The following ANK2 variants were observed in gnomAD, a reference collection of about 807,000 sequenced individuals.
ANK2 encodes ankyrin-2.
In ANK2, 83 loss-of-function variants were observed where a neutral mutation model predicts 360.5. The ratio of observed to expected loss-of-function variants is 0.23; its 90% confidence interval spans 0.19 to 0.28. ANK2 has a LOEUF of 0.28. ANK2 is among the 10% of genes least tolerant of loss of function. The pLI is 1.00. For missense variants in ANK2, 4,201 were observed against 4,795.7 expected (o/e 0.88, Z 3.66); for synonymous variants, 1,740 against 1,759.5 (o/e 0.99, Z 0.28).
At chr4:112,742,787 T>C in the ANK2 span, among the ~76,000 whole-genome samples, 96,259 of 150,522 alleles carry the variant, frequency 0.64, 32,331 homozygotes, top group East Asian at 0.92. Flanking sequence ...TACAGTGGCA[T>C]GATCTCGGCT....
chr4:113,239,671 A>G (rs1227169330), intron 7 of ANK2, among the ~76,000 whole-genome samples: 1 of 152,180 alleles, frequency 6.6e-6, no homozygotes, highest in Non-Finnish European at 1.5e-5. Flanking sequence ...AAAAGGAAAT[A>G]TATTTTTTTC....
chr4:112,930,039 T>C (rs1405223855), intron 2 of ANK2, among the ~76,000 whole-genome samples: 2 of 152,148 alleles, frequency 1.3e-5, no homozygotes, highest in African/African-American at 4.8e-5. Flanking sequence ...CAATGTCACA[T>C]AATGGAGTTG....
intron 23 of ANK2, among the ~76,000 whole-genome samples, chr4:113,307,601 C>T (rs1042729244): frequency 6.6e-6 from 1 of 151,994 alleles, no homozygotes; most frequent in African/African-American, 2.4e-5. Context: ...CTGGTTTTCA[C>T]CATTTTGGCC....
At chr4:113,300,273 C>T (rs888960513) in intron 22 of ANK2, among the ~76,000 whole-genome samples, 3 of 152,170 alleles carry the variant, frequency 2.0e-5, no homozygotes, top group African/African-American at 7.2e-5. Flanking sequence ...ACAACCCTTG[C>T]CTCCAACTGT....
chr4:112,771,678 C>T, the ANK2 span, among the ~76,000 whole-genome samples: 1 of 152,008 alleles, frequency 6.6e-6, no homozygotes, highest in Non-Finnish European at 1.5e-5. Flanking sequence ...CTCCGCCTCC[C>T]GAGTTCACGC....
chr4:112,997,977 A>C (rs1053641711), intron 2 of ANK2, among the ~76,000 whole-genome samples: 2 of 151,912 alleles, frequency 1.3e-5, no homozygotes, highest in African/African-American at 4.8e-5. Flanking sequence ...GTTTTGTCCA[A>C]ATACATAAGC....
intron 2 of ANK2, among the ~76,000 whole-genome samples, chr4:113,012,201 CA>C (rs2054980271): frequency 6.6e-6 from 1 of 152,126 alleles, no homozygotes; most frequent in Admixed American, 6.5e-5. Flanking sequence ...TATTCCCTAT[CA>C]AAACAGAATG....
the ANK2 span, among the ~76,000 whole-genome samples, chr4:112,810,869 G>A: frequency 6.7e-6 from 1 of 149,850 alleles, no homozygotes; most frequent in Non-Finnish European, 1.5e-5. Flanking sequence ...CTTTTTTGTT[G>A]TTGTTGTTTT....
chr4:113,341,279 G>T (rs1228154810), intron 32 of ANK2, among the ~76,000 whole-genome samples: 1 of 152,088 alleles, frequency 6.6e-6, no homozygotes, highest in Non-Finnish European at 1.5e-5. Context: ...AGGGAGGGGG[G>T]ATCAAGGAAA....
intron 2 of ANK2, among the ~76,000 whole-genome samples, chr4:112,939,003 A>G (rs1414678952): frequency 6.6e-6 from 1 of 152,188 alleles, no homozygotes; most frequent in Non-Finnish European, 1.5e-5. Flanking sequence ...TTTTCCTTTC[A>G]CTGGAAATTT....
At chr4:113,334,335 A>T (rs1279076119) in intron 29 of ANK2, among the ~76,000 whole-genome samples, 2 of 152,156 alleles carry the variant, frequency 1.3e-5, no homozygotes, top group African/African-American at 4.8e-5. Context: ...GTTCCCTACA[A>T]TATTTAGCTG....
chr4:112,944,144 A>G lies in ANK2; in HGVS notation c.21+39630A>G, dbSNP rs562535700. Among the ~76,000 whole-genome samples the G allele has an allele frequency of 2.0e-5, 3 of 152,328 alleles. No homozygotes were observed. In the South Asian group the frequency reaches 6.2e-4, roughly 32 times the overall value. On this transcript the variant is annotated intron_variant, in intron 2 of 30. Transcript: ENST00000503271. ...GCATTAAATCCTTTCCCCTTACTGG[A>G]CAAGCCTTTCACTTATTGTTCCAGG... is the stretch of plus-strand genomic sequence containing the variant.
intron 1 of ANK2, among the ~76,000 whole-genome samples, chr4:112,845,652 G>C (rs1312532907): frequency 1.3e-5 from 2 of 152,146 alleles, no homozygotes. Context: ...GTGTCTTCTG[G>C]GAAATTAACT....
At chr4:112,751,608 G>C in the ANK2 span, among the ~76,000 whole-genome samples, 8 of 151,960 alleles carry the variant, frequency 5.3e-5, no homozygotes, top group South Asian at 2.1e-4. Flanking sequence ...TAAGTAGCAG[G>C]GGGGAAGGGA....
At chr4:112,721,985 T>A in the ANK2 span, among the ~76,000 whole-genome samples, 1 of 152,206 alleles carries the variant, frequency 6.6e-6, no homozygotes, top group East Asian at 1.9e-4. Flanking sequence ...TCATTTGTTA[T>A]CCTTCTAAAA....
In ANK2 at chr4:113,357,640, TCAGA is replaced by T; in HGVS notation, c.9026_9029del (p.Asp3009ValfsTer21). The T allele has an allele frequency of 6.2e-7, 1 of 1,614,126 alleles. No individual in the cohort carries two copies. On this transcript the variant is annotated frameshift_variant, in exon 38 of 46. Coordinates refer to ENST00000357077, the MANE Select transcript of ANK2 (RefSeq NM_001148.6). LOFTEE classifies it high-confidence loss of function. ...GGAAAGTACCTTGTGGGAAATGCAA[TCAGA>T]CAGTGTCTCTTCATCTTTCGAGCCT...
chr4:113,308,421 T>C (rs1165036392), intron 23 of ANK2, among the ~76,000 whole-genome samples: 2 of 152,176 alleles, frequency 1.3e-5, no homozygotes, highest in East Asian at 1.9e-4. Context: ...GCAAAATTCA[T>C]GAGAGAGGTC....
At chr4:112,916,884 A>C (rs1344456028) in intron 2 of ANK2, among the ~76,000 whole-genome samples, 1 of 152,222 alleles carries the variant, frequency 6.6e-6, no homozygotes, top group Non-Finnish European at 1.5e-5. Flanking sequence ...TAGATACTTC[A>C]GTGGCATTAA....
At chr4:112,858,005 C>T (rs1464268647) in intron 1 of ANK2, among the ~76,000 whole-genome samples, 2 of 152,060 alleles carry the variant, frequency 1.3e-5, no homozygotes. Flanking sequence ...TACTTTTCTC[C>T]ACTAAAAGTA....
Sources: allele counts gnomAD v4.1 joint callset (sites outside exome capture counted in the v4.1 genomes callset), GRCh38; gene constraint gnomAD v4.1.1; transcripts MANE v1.5; gene names NCBI Gene and HGNC (gene_info 2026-07-23, HGNC 2026-07-21).